Variants in COL6A5 observed in about 807,000 individuals in gnomAD.
The protein encoded by COL6A5 is collagen type VI alpha 5 chain.
COL6A5 carries 48 observed loss-of-function variants against 65.6 expected under a neutral mutation model. The ratio of observed to expected loss-of-function variants is 0.73; its 90% CI spans 0.58 to 0.93. COL6A5 has a LOEUF of 0.93. COL6A5 is among the 40% of genes least tolerant of loss of function. The pLI is 0.00. For missense variants in COL6A5, 914 were observed against 928.3 expected, an observed-to-expected ratio of 0.98 and a Z score of 0.20; for synonymous variants, 291 against 322.8, an observed-to-expected ratio of 0.90 and a Z score of 1.05.
At chr3:130,413,136 A>G (rs886105682) in intron 20 of COL6A5, among the ~76,000 whole-genome samples, 1 of 152,090 alleles carries the variant, frequency 6.6e-6, no homozygotes, top group African/African-American at 2.4e-5. Context: ...AGGAGATACA[A>G]TCAGGGGCCC....
chr3:130,410,184 T>C (rs1177199866), intron 19 of COL6A5, 110 bp downstream of exon 19: 3 of 797,936 alleles, frequency 3.8e-6, no homozygotes, highest in African/African-American at 1.8e-5. Context: ...TAAGACCACA[T>C]TGAAAAGACC....
exon 3 of COL6A5, chr3:130,440,540 A>G: frequency 6.8e-6 from 11 of 1,613,682 alleles, no homozygotes; most frequent in Non-Finnish European, 9.3e-6. Flanking sequence ...GACCACTGAA[A>G]ATCTTTTTCC....
chr3:130,346,850 T>C (rs552607672), intron 1 of COL6A5, among the ~76,000 whole-genome samples: 1 of 152,368 alleles, frequency 6.6e-6, no homozygotes, highest in South Asian at 2.1e-4. Context: ...TTGTGAATTC[T>C]GAACAAAAAT....
chr3:130,397,879 T>C (rs923592248), exon 9 of COL6A5: 1 of 1,551,656 alleles, frequency 6.4e-7, no homozygotes, highest in African/African-American at 1.4e-5. Flanking sequence ...GTTCTTGCGG[T>C]CTCTTTGGGA....
At chr3:130,469,670 C>T (rs896718918) in intron 6 of COL6A5, among the ~76,000 whole-genome samples, 189 bp downstream of exon 38, 5 of 151,972 alleles carry the variant, frequency 3.3e-5, no homozygotes, top group African/African-American at 1.2e-4. Flanking sequence ...TGCTGTGCTG[C>T]CAAAGTTTTA....
rs764440747 is a variant in COL6A5, at chr3:130,431,549, G to A, written c.89G>A (p.Arg30Gln). Residue 30 changes from arginine to glutamine, a missense_variant, in exon 1 of 8, where the codon CGG becomes CAG. Coordinates refer to ENST00000512836, the Ensembl canonical transcript of COL6A5. The stretch of plus-strand genomic sequence containing the variant: ...ACAGAAGAGAGCTTTAATAAAACAC[G>A]GGACATCATCACTTCCATTGTCAAT... The A allele has an allele frequency of 3.8e-5, 59 of 1,551,394 alleles. No homozygotes were observed. The African/African-American group carries it at 4.8e-4, about 13-fold the overall frequency.
intron 10 of COL6A5, among the ~76,000 whole-genome samples, chr3:130,398,324 G>A (rs1163815515): frequency 6.6e-6 from 1 of 152,056 alleles, no homozygotes; most frequent in Non-Finnish European, 1.5e-5. Flanking sequence ...TAGAGATGGG[G>A]TTTCACTGTG....
Position 130,432,276 on chromosome 3 carries a change from T to C in COL6A5, c.487+327T>C, listed in dbSNP as rs187682834. On this transcript the variant is annotated intron_variant, in intron 1 of 7. Coordinates refer to ENST00000512836, the Ensembl canonical transcript of COL6A5. ...ATGTTAAAAATGAGGAAACTGGGGC[T>C]GGGCGCGGTGGCTCATGCCTGTAAT... Among the ~76,000 whole-genome samples the C allele has an allele frequency of 5.0e-3, 755 of 152,208 alleles. 11 individuals carry two copies. The highest frequency in any genetic ancestry group is 0.017 in the African/African-American group (690 of 41,542).
intron 4 of COL6A5, among the ~76,000 whole-genome samples, chr3:130,450,326 C>T (rs181438295): frequency 8.1e-4 from 123 of 152,228 alleles, no homozygotes; most frequent in Non-Finnish European, 1.5e-3. Flanking sequence ...TTTGCGACAA[C>T]GTGGGCAAAC....
chr3:130,430,026 A>C (rs1196638049), upstream of COL6A5, among the ~76,000 whole-genome samples: 2 of 152,000 alleles, frequency 1.3e-5, no homozygotes, highest in Admixed American at 1.3e-4. Context: ...ATGGCTGTGG[A>C]TGGTCTTCCC....
In COL6A5 at chr3:130,395,189, C is replaced by G. The variant is rs78983126; in HGVS notation, c.3292C>G (p.His1098Asp). 100 of 1,551,700 alleles carry G rather than the reference C, an allele frequency of 6.4e-5. 2 individuals are homozygous for G. In the South Asian group the frequency reaches 1.2e-3, roughly 18 times the overall value. ...AAAAGTGAGCAATATGTTTAATCTACATGCTGGTGGGAGAAGAAATGCTGG... is the reference window on the plus strand; with the variant it reads ...AAAAGTGAGCAATATGTTTAATCTAGATGCTGGTGGGAGAAGAAATGCTGG... Residue 1098 changes from histidine to aspartate, a missense_variant and NMD_transcript_variant, in exon 8 of 42, where the codon CAT (histidine) becomes GAT (aspartate). Coordinates refer to the COL6A5 transcript ENST00000312481.
intron 4 of COL6A5, among the ~76,000 whole-genome samples, chr3:130,380,887 G>T (rs146928220): frequency 1.8e-4 from 27 of 152,244 alleles, no homozygotes; most frequent in African/African-American, 5.1e-4. Context: ...GACTGAGCTA[G>T]TCTGATACAC....
intron 1 of COL6A5, among the ~76,000 whole-genome samples, chr3:130,347,220 G>T (rs1316351626): frequency 6.6e-6 from 1 of 152,102 alleles, no homozygotes; most frequent in African/African-American, 2.4e-5. Context: ...CAATGGGTGG[G>T]TGCAGGATGT....
chr3:130,471,718 T>C (rs1249655802), intron 7 of COL6A5: 9 of 1,534,376 alleles, frequency 5.9e-6, no homozygotes, highest in Non-Finnish European at 7.0e-6. Flanking sequence ...AGACAGAAAA[T>C]GGTGATCTGT....
At chr3:130,388,874 C>G in exon 6 of COL6A5, 1 of 1,551,220 alleles carries the variant, frequency 6.4e-7, no homozygotes. Context: ...CAATACTTCA[C>G]CCACTCCAAG....
rs1421656071 is a variant in COL6A5, at chr3:130,397,930, A to G, written c.3909+7A>G. The stretch of plus-strand genomic sequence containing the variant: ...ATCTGCATCCCGGGGCCAGGTATCC[A>G]TATTACATTCTATCTCCCATCTCCA... On this transcript the variant is annotated splice_region_variant and intron_variant and NMD_transcript_variant, in intron 9 of 41. Coordinates refer to the COL6A5 transcript ENST00000312481. 6 of 1,549,562 alleles carry G rather than the reference A, an allele frequency of 3.9e-6. No homozygotes were observed. Among genetic ancestry groups the G allele is most frequent in the African/African-American group, 2.7e-5 (2 of 72,976 alleles).
Position 130,398,121 on chromosome 3 carries a change from T to TGA in COL6A5, c.3991+11_3991+12insAG. ...AGGCTCAGAGAAGCAGGTATTGAGTTGTTGTTGTTTTTTTTTTTTTTTTTT... is the reference window on the plus strand; with the variant it reads ...AGGCTCAGAGAAGCAGGTATTGAGTTGAGTTGTTGTTTTTTTTTTTTTTTTTT... On this transcript the variant is annotated intron_variant and NMD_transcript_variant, in intron 10 of 41. Coordinates refer to the COL6A5 transcript ENST00000312481. 1 of 1,441,918 alleles carries TGA rather than the reference T, an allele frequency of 6.9e-7. No individual in the cohort carries two copies. The allele number at this position is 1,441,918 out of a possible 1,614,324, so 89.3% of individuals were successfully genotyped here. A position where few individuals can be genotyped will look rare whatever the true frequency, so the allele number is the denominator to read the frequency against.
At chr3:130,345,898 G>A (rs1934450562) in exon 1 of COL6A5, 4 of 398,536 alleles carry the variant, frequency 1.0e-5, no homozygotes, top group Non-Finnish European at 1.8e-5. Flanking sequence ...CGTTTACTGC[G>A]CTCAGGAGCT....
intron 17 of COL6A5, 82 bp from the exon 18 acceptor site, chr3:130,409,244 C>T: frequency 1.0e-6 from 1 of 990,096 alleles, no homozygotes; most frequent in Non-Finnish European, 1.5e-6. Flanking sequence ...TGATTAACCC[C>T]CCTACATACA....
Sources: allele counts gnomAD v4.1 joint callset (sites outside exome capture counted in the v4.1 genomes callset), GRCh38; gene constraint gnomAD v4.1.1; transcripts MANE v1.5; gene names NCBI Gene and HGNC (gene_info 2026-07-23, HGNC 2026-07-21).